Variants in ULK4 observed in about 807,000 individuals in gnomAD.
ULK4 encodes inactive serine/threonine-protein kinase ULK4.
In ULK4, 133 loss-of-function variants were observed where a neutral mutation model predicts 160.6. The ratio of observed to expected loss-of-function variants is 0.83; its 90% CI spans 0.72 to 0.96. The LOEUF (loss-of-function observed/expected upper bound fraction) is 0.96. ULK4 is among the 40% of genes least tolerant of loss of function. The probability of loss-of-function intolerance (pLI) is 0.00; values close to 1 mark genes in which losing one functional copy is unlikely to be tolerated. For missense variants in ULK4, 1,580 were observed against 1,499.5 expected (o/e 1.05, Z -0.89); for synonymous variants, 534 against 539.8 (o/e 0.99, Z 0.15).
At chr3:41,541,786 A>C (rs1276362842) in intron 32 of ULK4, among the ~76,000 whole-genome samples, 3 of 152,056 alleles carry the variant, frequency 2.0e-5, no homozygotes, top group Admixed American at 2.0e-4. Context: ...TTCTCTTTGT[A>C]GCAATTGTGA....
intron 35 of ULK4, among the ~76,000 whole-genome samples, chr3:41,369,776 A>C (rs1159458860): frequency 2.7e-5 from 4 of 149,218 alleles, no homozygotes; most frequent in African/African-American, 1.0e-4. Context: ...CCTGGGTGAC[A>C]GAGTGAGACT....
intron 35 of ULK4, among the ~76,000 whole-genome samples, chr3:41,299,035 A>T (rs1179670219): frequency 6.6e-6 from 1 of 152,182 alleles, no homozygotes; most frequent in Non-Finnish European, 1.5e-5. Context: ...CCTCCCATCA[A>T]GACCTAGAGT....
chr3:41,567,919 T>C (rs895175444), intron 31 of ULK4, among the ~76,000 whole-genome samples: 1 of 152,170 alleles, frequency 6.6e-6, no homozygotes, highest in African/African-American at 2.4e-5. Flanking sequence ...CAGTTTTCCC[T>C]CATGTTAACA....
chr3:41,942,995 C>G (rs548831178), intron 2 of ULK4, among the ~76,000 whole-genome samples: 1 of 151,912 alleles, frequency 6.6e-6, no homozygotes, highest in Non-Finnish European at 1.5e-5. Flanking sequence ...GGGTGGATCA[C>G]GAGGTAAGGA....
intron 32 of ULK4, among the ~76,000 whole-genome samples, chr3:41,549,087 C>T (rs2086972114): frequency 6.6e-6 from 1 of 152,102 alleles, no homozygotes; most frequent in Non-Finnish European, 1.5e-5. Context: ...GGAAGAAGTG[C>T]CTGTTACACA....
chr3:41,520,752 T>C (rs954236274), intron 32 of ULK4, among the ~76,000 whole-genome samples: 4 of 152,212 alleles, frequency 2.6e-5, no homozygotes, highest in Non-Finnish European at 5.9e-5. Flanking sequence ...ATAGTTATAC[T>C]ATACACTAGG....
chr3:41,454,082 T>C (rs1339911901), intron 34 of ULK4, among the ~76,000 whole-genome samples: 4 of 146,240 alleles, frequency 2.7e-5, no homozygotes, highest in African/African-American at 1.0e-4. Flanking sequence ...ATGTAAATGA[T>C]GACTTAATGG....
chr3:41,526,208 T>C (rs2086112241), intron 32 of ULK4, among the ~76,000 whole-genome samples: 1 of 152,216 alleles, frequency 6.6e-6, no homozygotes, highest in African/African-American at 2.4e-5. Flanking sequence ...CTTATATTAT[T>C]TGTCCTTTCT....
intron 35 of ULK4, among the ~76,000 whole-genome samples, chr3:41,384,978 C>A (rs898002820): frequency 6.6e-6 from 1 of 152,098 alleles, no homozygotes; most frequent in Admixed American, 6.6e-5. Context: ...TCAATTGAAT[C>A]CCTGAGGTCA....
chr3:41,500,915 G>A (rs926535407), intron 32 of ULK4, among the ~76,000 whole-genome samples: 1 of 152,036 alleles, frequency 6.6e-6, no homozygotes, highest in Non-Finnish European at 1.5e-5. Flanking sequence ...TTCTCCAGTA[G>A]GCCTTCATTG....
intron 2 of ULK4, among the ~76,000 whole-genome samples, chr3:41,944,239 C>A (rs761405647): frequency 6.6e-6 from 1 of 152,202 alleles, no homozygotes; most frequent in South Asian, 2.1e-4. Flanking sequence ...AGAAGAATGA[C>A]AGGGAATTGA....
intron 35 of ULK4, among the ~76,000 whole-genome samples, chr3:41,251,906 A>C (rs1311682561): frequency 1.3e-5 from 2 of 152,238 alleles, no homozygotes; most frequent in African/African-American, 4.8e-5. Context: ...AAGTTACTCC[A>C]TAAAACTGTT....
intron 30 of ULK4, among the ~76,000 whole-genome samples, chr3:41,645,701 A>G (rs2034455485): frequency 6.6e-6 from 1 of 152,070 alleles, no homozygotes; most frequent in Non-Finnish European, 1.5e-5. Context: ...GTAGATGTCT[A>G]TTAGGTCTGC....
chr3:41,480,990 A>G (rs985352508), intron 32 of ULK4, among the ~76,000 whole-genome samples: 2 of 152,224 alleles, frequency 1.3e-5, no homozygotes, highest in Non-Finnish European at 2.9e-5. Context: ...TGGGAGCTAC[A>G]GTTCAAGATG....
chr3:41,783,792 G>A (rs1030125961), intron 21 of ULK4, among the ~76,000 whole-genome samples: 1 of 152,116 alleles, frequency 6.6e-6, no homozygotes, highest in African/African-American at 2.4e-5. Flanking sequence ...ATAGAAAATT[G>A]TAATGAGCTC....
At chr3:41,722,568 T>C (rs1373076687) in intron 22 of ULK4, among the ~76,000 whole-genome samples, 1 of 152,004 alleles carries the variant, frequency 6.6e-6, no homozygotes, top group Non-Finnish European at 1.5e-5. Context: ...GAGGCAGAGG[T>C]TGCAATAAGC....
At chr3:41,815,303 G>T (rs931800123) in intron 19 of ULK4, among the ~76,000 whole-genome samples, 1 of 151,988 alleles carries the variant, frequency 6.6e-6, no homozygotes, top group Non-Finnish European at 1.5e-5. Context: ...ATCATATTTT[G>T]TGCTATTTGT....
At chr3:41,881,794 C>T (rs1322206356) in intron 17 of ULK4, among the ~76,000 whole-genome samples, 2 of 152,128 alleles carry the variant, frequency 1.3e-5, no homozygotes, top group South Asian at 2.1e-4. Flanking sequence ...ATAAAAGATA[C>T]AAGAACCTCG....
rs538505342 is a variant in ULK4 at position 41,368,777 on chromosome 3, T to C, written c.3678+29302A>G. Among the ~76,000 whole-genome samples the C allele has an allele frequency of 4.6e-5, 7 of 152,370 alleles. No individual in the cohort carries two copies. In the East Asian group the frequency reaches 1.3e-3, roughly 29 times the overall value. ...TTATGGTATACCACATTTTATTTAT[T>C]CCTTCATCAATTGAATTACATTTGA... On this transcript the variant is annotated intron_variant, in intron 35 of 36. Transcript: ENST00000301831.
Sources: allele counts gnomAD v4.1 joint callset (sites outside exome capture counted in the v4.1 genomes callset), GRCh38; gene constraint gnomAD v4.1.1; transcripts MANE v1.5; gene names NCBI Gene and HGNC (gene_info 2026-07-23, HGNC 2026-07-21).